IGF1: variants seen among roughly 807,000 people sequenced by gnomAD.
IGF1 encodes insulin-like growth factor 1.
Under a neutral mutation model 13.8 loss-of-function variants are expected in IGF1, and 4 were observed. The observed-to-expected ratio is 0.29, with a 90% CI of 0.14 to 0.66. IGF1 has a LOEUF of 0.66. Ranked by LOEUF, IGF1 falls within the 30% of genes least tolerant of loss-of-function variation. The pLI is 0.78. For missense variants in IGF1, 124 were observed against 188.5 expected (o/e 0.66, Z 2.00); for synonymous variants, 76 against 72.6 (o/e 1.05, Z -0.23).
intron 2 of IGF1, among the ~76,000 whole-genome samples, chr12:102,448,424 T>A (rs984761272): frequency 4.1e-5 from 6 of 146,280 alleles, no homozygotes; most frequent in Non-Finnish European, 9.0e-5. Context: ...TCATTCTCAG[T>A]AAACTATCGC....
At chr12:102,472,971 T>C (rs943328178) in intron 2 of IGF1, among the ~76,000 whole-genome samples, 5 of 152,326 alleles carry the variant, frequency 3.3e-5, no homozygotes, top group South Asian at 2.1e-4. Flanking sequence ...CCTTAATTCT[T>C]GATGGTTCTT....
chr12:102,448,340 C>G lies in IGF1; in HGVS notation c.220+27303G>C, dbSNP rs551750066. ...TTAAGAAAATGTGGCACACATACAC[C>G]ATGGAATACTATGCAGCCATAAAAA... is the stretch of plus-strand genomic sequence containing the variant. On this transcript the variant is annotated intron_variant, in intron 2 of 3. Transcript: ENST00000337514. Among the ~76,000 whole-genome samples, 14 of 149,946 alleles carry G rather than the reference C, an allele frequency of 9.3e-5. No individual in the cohort carries two copies. The South Asian group carries it at 3.0e-3, about 32-fold the overall frequency.
chr12:102,423,251 G>A lies in IGF1; in HGVS notation c.221-3561C>T, dbSNP rs533874956. ...AAACACTTTTTAATTGTCCTTACTC[G>A]ATGCTACGAAAAAAAAAAAAAAAAA... On this transcript the variant is annotated intron_variant, in intron 2 of 3. Transcript: ENST00000337514. 8.5e-5 allele frequency: 9 copies of A among 106,388 alleles called. No homozygotes were observed. In the South Asian group the frequency reaches 2.1e-3, roughly 24 times the overall value. 6.6% of individuals were successfully genotyped at this position (106,388 alleles called of 1,614,324 possible).
intron 2 of IGF1, among the ~76,000 whole-genome samples, chr12:102,425,997 C>T (rs997797433): frequency 6.6e-6 from 1 of 152,122 alleles, no homozygotes; most frequent in Non-Finnish European, 1.5e-5. Flanking sequence ...AATCAAATGC[C>T]AAGAGGTCAT....
At chr12:102,449,646 A>C (rs1839250623) in intron 2 of IGF1, among the ~76,000 whole-genome samples, 1 of 144,814 alleles carries the variant, frequency 6.9e-6, no homozygotes, top group Non-Finnish European at 1.5e-5. Context: ...AACTAGAGGA[A>C]TGTCAGCACA....
Position 102,441,915 on chromosome 12 carries a change from C to CTTCTTCTTCTTCTT in IGF1, c.221-22226_221-22225insAAGAAGAAGAAGAA, listed in dbSNP as rs1555244052. Among the ~76,000 whole-genome samples, 327 of 122,146 alleles carry CTTCTTCTTCTTCTT rather than the reference C, an allele frequency of 2.7e-3. 7 individuals are homozygous for CTTCTTCTTCTTCTT. The highest frequency in any genetic ancestry group is 6.8e-3 in the East Asian group (27 of 3,964). 80.1% of individuals were successfully genotyped at this position (122,146 alleles called of 152,430 possible). A position where few individuals can be genotyped will look rare whatever the true frequency, so the allele number is the denominator to read the frequency against. On this transcript the variant is annotated intron_variant, in intron 2 of 3. Coordinates refer to ENST00000337514, the MANE Select transcript of IGF1 (RefSeq NM_000618.5). ...GTCATTCTATTACACTGCTTCTTCT[C>CTTCTTCTTCTTCTT]CTTCTTCTTCTTCTTCTTCTTCTTC...
At chr12:102,421,358 G>GT (rs1021639455) in intron 2 of IGF1, among the ~76,000 whole-genome samples, 6 of 152,082 alleles carry the variant, frequency 3.9e-5, no homozygotes, top group South Asian at 2.1e-4. Context: ...ATATTTTTTT[G>GT]TTTTTTTGTT....
chr12:102,415,946 C>A (rs1340853404), intron 3 of IGF1, among the ~76,000 whole-genome samples: 7 of 152,174 alleles, frequency 4.6e-5, no homozygotes, highest in African/African-American at 1.7e-4. Flanking sequence ...ATCCACTTTG[C>A]AACCACAGCA....
At chr12:102,459,199 G>A (rs568970279) in intron 2 of IGF1, among the ~76,000 whole-genome samples, 1 of 152,270 alleles carries the variant, frequency 6.6e-6, no homozygotes, top group Non-Finnish European at 1.5e-5. Context: ...CTCTGCTGTA[G>A]GGATACATTA....
chr12:102,480,871 C>T (rs1028769699), upstream of IGF1, among the ~76,000 whole-genome samples: 7 of 152,174 alleles, frequency 4.6e-5, no homozygotes, highest in African/African-American at 9.7e-5. Flanking sequence ...AAGACACAAA[C>T]GTCTGCTAAT....
intron 1 of IGF1, among the ~76,000 whole-genome samples, chr12:102,476,684 G>T (rs779809762): frequency 2.0e-5 from 3 of 152,132 alleles, no homozygotes; most frequent in Non-Finnish European, 4.4e-5. Flanking sequence ...TTAGTCACAG[G>T]AATTATGGCT....
intron 2 of IGF1, among the ~76,000 whole-genome samples, chr12:102,449,940 T>C (rs924580786): frequency 1.3e-5 from 2 of 152,004 alleles, no homozygotes; most frequent in African/African-American, 4.8e-5. Flanking sequence ...GCTCACGGAT[T>C]CTCCTTTCGT....
intron 2 of IGF1, among the ~76,000 whole-genome samples, chr12:102,452,938 C>T (rs1375036530): frequency 6.6e-6 from 1 of 152,100 alleles, no homozygotes. Flanking sequence ...CAACACGTTG[C>T]ACCCTGTGAA....
chr12:102,452,725 T>G (rs1399862330), intron 2 of IGF1, among the ~76,000 whole-genome samples: 1 of 152,212 alleles, frequency 6.6e-6, no homozygotes, highest in East Asian at 1.9e-4. Context: ...ATTCTCTTCT[T>G]ATTGGCTAAC....
At chr12:102,427,801 G>A (rs1039779162) in intron 2 of IGF1, among the ~76,000 whole-genome samples, 19 of 152,164 alleles carry the variant, frequency 1.2e-4, no homozygotes, top group African/African-American at 4.1e-4. Flanking sequence ...AGCAGCCAGA[G>A]TCAGCGACAG....
intron 3 of IGF1, among the ~76,000 whole-genome samples, chr12:102,412,058 T>C (rs988005018): frequency 3.9e-5 from 6 of 152,162 alleles, no homozygotes; most frequent in Admixed American, 3.9e-4. Context: ...CTGCAGTCTA[T>C]AGACAGGGAC....
intron 2 of IGF1, among the ~76,000 whole-genome samples, chr12:102,448,539 T>G (rs1429310420): frequency 1.4e-5 from 1 of 70,358 alleles, no homozygotes; most frequent in South Asian, 5.9e-4. Flanking sequence ...GGGACTGTGG[T>G]GGGGTGGGGG....
At chr12:102,407,919 A>G (rs1355153090) in intron 3 of IGF1, among the ~76,000 whole-genome samples, 1 of 152,198 alleles carries the variant, frequency 6.6e-6, no homozygotes, top group Non-Finnish European at 1.5e-5. Context: ...CCTGAGAGAT[A>G]GAATCTAAAA....
chr12:102,440,160 C>T (rs980562630), intron 2 of IGF1, among the ~76,000 whole-genome samples: 1 of 152,176 alleles, frequency 6.6e-6, no homozygotes, highest in Non-Finnish European at 1.5e-5. Flanking sequence ...AGACAGACCC[C>T]ACACTGTCCA....
Sources: allele counts gnomAD v4.1 joint callset (sites outside exome capture counted in the v4.1 genomes callset), GRCh38; gene constraint gnomAD v4.1.1; transcripts MANE v1.5; gene names NCBI Gene and HGNC (gene_info 2026-07-23, HGNC 2026-07-21).